PTPRR: variants seen among roughly 807,000 people sequenced by gnomAD.
The protein encoded by PTPRR is receptor-type tyrosine-protein phosphatase R.
Under a neutral mutation model 77.2 loss-of-function variants are expected in PTPRR, and 38 were observed. The observed-to-expected ratio is 0.49, with a 90% CI of 0.38 to 0.65. The LOEUF (loss-of-function observed/expected upper bound fraction) is 0.65. Ranked by LOEUF, PTPRR falls within the 30% of genes least tolerant of loss-of-function variation. The pLI, the probability that PTPRR is intolerant of heterozygous loss-of-function variation, is 0.00. For missense variants in PTPRR, 744 were observed against 799.2 expected (o/e 0.93, Z 0.83); for synonymous variants, 299 against 283.1 (o/e 1.06, Z -0.57).
At chr12:70,822,165 T>C (rs1892027620) in intron 2 of PTPRR, among the ~76,000 whole-genome samples, 2 of 152,312 alleles carry the variant, frequency 1.3e-5, no homozygotes, top group East Asian at 3.9e-4. Context: ...GGAAAGGCTG[T>C]ATTGAACATA....
At chr12:70,641,846 G>A (rs965021835) in intron 13 of PTPRR, among the ~76,000 whole-genome samples, 2 of 152,100 alleles carry the variant, frequency 1.3e-5, no homozygotes, top group African/African-American at 2.4e-5. Flanking sequence ...TAACCCAAAA[G>A]ACGTCTTAAG....
At chr12:70,888,832 G>A (rs558914746) in intron 2 of PTPRR, among the ~76,000 whole-genome samples, 2 of 152,102 alleles carry the variant, frequency 1.3e-5, no homozygotes, top group South Asian at 2.1e-4. Flanking sequence ...TACTATGTAA[G>A]TAATCACTGT....
At chr12:70,917,655 T>C (rs1025835912) in intron 1 of PTPRR, among the ~76,000 whole-genome samples, 1 of 152,162 alleles carries the variant, frequency 6.6e-6, no homozygotes, top group African/African-American at 2.4e-5. Flanking sequence ...TACTTCTCCC[T>C]AGCCAGAATG....
intron 2 of PTPRR, among the ~76,000 whole-genome samples, chr12:70,807,180 A>C (rs1891725283): frequency 6.6e-6 from 1 of 152,224 alleles, no homozygotes; most frequent in Admixed American, 6.5e-5. Context: ...GTACAAAGCC[A>C]GAAGGCACAT....
At chr12:70,810,215 A>C (rs1054054348) in intron 2 of PTPRR, among the ~76,000 whole-genome samples, 1 of 152,128 alleles carries the variant, frequency 6.6e-6, no homozygotes, top group Non-Finnish European at 1.5e-5. Context: ...CTCTGTCCCC[A>C]AAAAAACCTC....
intron 2 of PTPRR, among the ~76,000 whole-genome samples, chr12:70,830,501 G>A (rs1428343358): frequency 6.6e-6 from 1 of 152,196 alleles, no homozygotes; most frequent in East Asian, 1.9e-4. Context: ...ATCCACTACC[G>A]TTTTGTGACC....
chr12:70,732,437 C>T (rs564813002), intron 6 of PTPRR, among the ~76,000 whole-genome samples: 9 of 152,314 alleles, frequency 5.9e-5, no homozygotes, highest in Non-Finnish European at 8.8e-5. Flanking sequence ...GTGACATTGC[C>T]AAGGACATGC....
chr12:70,719,515 T>C (rs1180401526), intron 6 of PTPRR, among the ~76,000 whole-genome samples: 3 of 146,516 alleles, frequency 2.0e-5, no homozygotes, highest in Non-Finnish European at 4.5e-5. Flanking sequence ...ATTTCCTTTG[T>C]TAGGAAGGGG....
At chr12:70,869,741 A>G (rs768049709) in intron 2 of PTPRR, among the ~76,000 whole-genome samples, 5 of 152,246 alleles carry the variant, frequency 3.3e-5, no homozygotes, top group Middle Eastern at 3.4e-3. Flanking sequence ...ACCATTAGCC[A>G]AGGAATGAGG....
chr12:70,849,493 T>C (rs1892538906), intron 2 of PTPRR, among the ~76,000 whole-genome samples: 1 of 152,246 alleles, frequency 6.6e-6, no homozygotes, highest in African/African-American at 2.4e-5. Flanking sequence ...CCAGTTTCTT[T>C]CATTAACATA....
intron 6 of PTPRR, among the ~76,000 whole-genome samples, chr12:70,729,326 G>GTCTATCTATCTA (rs58783163): frequency 5.8e-4 from 88 of 151,082 alleles, no homozygotes; most frequent in Non-Finnish European, 8.1e-4. Flanking sequence ...GTATCTATCT[G>GTCTATCTATCTA]TCTATCTATC....
intron 2 of PTPRR, among the ~76,000 whole-genome samples, chr12:70,864,142 CT>C (rs1892801037): frequency 6.6e-6 from 1 of 152,198 alleles, no homozygotes; most frequent in Non-Finnish European, 1.5e-5. Flanking sequence ...CTCCCAGTGA[CT>C]GCATTAGTTG....
At chr12:70,730,551 G>A (rs1889617665) in intron 6 of PTPRR, among the ~76,000 whole-genome samples, 1 of 151,786 alleles carries the variant, frequency 6.6e-6, no homozygotes, top group Admixed American at 6.6e-5. Flanking sequence ...AGAAATCAGA[G>A]GCCAGGCACA....
intron 2 of PTPRR, among the ~76,000 whole-genome samples, chr12:70,817,494 C>G (rs1471053261): frequency 6.6e-6 from 1 of 152,186 alleles, no homozygotes; most frequent in Admixed American, 6.5e-5. Flanking sequence ...GTAACACATT[C>G]TCAAGTAGTT....
chr12:70,914,482 G>GA (rs1437737577), intron 1 of PTPRR, among the ~76,000 whole-genome samples: 1 of 152,136 alleles, frequency 6.6e-6, no homozygotes, highest in Non-Finnish European at 1.5e-5. Context: ...ATGGAGAGTG[G>GA]AGAACATCTT....
intron 8 of PTPRR, among the ~76,000 whole-genome samples, chr12:70,691,351 C>A (rs868745663): frequency 1.3e-5 from 2 of 152,142 alleles, no homozygotes; most frequent in African/African-American, 4.8e-5. Context: ...TGGGACACAA[C>A]GTTCTGGTTT....
chr12:70,694,820 T>G (rs558443243), intron 8 of PTPRR, among the ~76,000 whole-genome samples: 1 of 152,174 alleles, frequency 6.6e-6, no homozygotes, highest in African/African-American at 2.4e-5. Flanking sequence ...AAATAAAAAA[T>G]TTAAACTTAT....
At chr12:70,729,027 C>T (rs1476045732) in intron 6 of PTPRR, among the ~76,000 whole-genome samples, 2 of 152,132 alleles carry the variant, frequency 1.3e-5, no homozygotes, top group Non-Finnish European at 1.5e-5. Context: ...ACTGCTTTCA[C>T]ATCAGAGGCT....
chr12:70,734,987 C>A (rs1889812187), intron 6 of PTPRR, among the ~76,000 whole-genome samples: 1 of 152,164 alleles, frequency 6.6e-6, no homozygotes, highest in Admixed American at 6.5e-5. Flanking sequence ...GGTTTCAAAA[C>A]TTTTGCCTCC....
Sources: allele counts gnomAD v4.1 joint callset (sites outside exome capture counted in the v4.1 genomes callset), GRCh38; gene constraint gnomAD v4.1.1; transcripts MANE v1.5; gene names NCBI Gene and HGNC (gene_info 2026-07-23, HGNC 2026-07-21).